KIF13A: variants seen among roughly 807,000 people sequenced by gnomAD.
KIF13A encodes kinesin family member 13A.
KIF13A carries 79 observed loss-of-function variants against 212.2 expected under a neutral mutation model. The observed-to-expected ratio is 0.37, with a 90% CI of 0.31 to 0.45. The LOEUF (loss-of-function observed/expected upper bound fraction) is 0.45. KIF13A is among the 20% of genes least tolerant of loss of function. The pLI is 1.00. For missense variants in KIF13A, 1,901 were observed against 2,209.0 expected (o/e 0.86, Z 2.79); for synonymous variants, 789 against 808.6 (o/e 0.98, Z 0.41).
In KIF13A at chr6:17,897,331, A is replaced by G. The variant is rs895211167; in HGVS notation, c.159+837T>C. ...TGTAGGTAAAGCCTGTTCTAATCCT[A>G]TCTCAAGAACCACAGCTATAATCAG... On this transcript the variant is annotated intron_variant, in intron 3 of 38. Transcript: ENST00000259711. This position sits in a 1 kb window ranked among gnomAD's most constrained non-coding sequence, Gnocchi z 4.8. Among the ~76,000 whole-genome samples, 10 of 152,192 alleles carry G rather than the reference A, an allele frequency of 6.6e-5. No homozygotes were observed. Among genetic ancestry groups the G allele is most frequent in the African/African-American group, 2.2e-4 (9 of 41,454 alleles).
rs374729769 is a variant in KIF13A at position 17,804,528 on chromosome 6, C to T, written c.2305-18G>A. 4.1e-5 allele frequency: 64 copies of T among 1,562,744 alleles called. No homozygotes were observed. Among genetic ancestry groups the T allele is most frequent in the Admixed American group, 1.7e-4 (9 of 53,012 alleles). On this transcript the variant is annotated intron_variant, in intron 19 of 38. Transcript: ENST00000259711. ...CTCTTTGCCTGAGAAGTAGGAGGGG[C>T]CAGTGAGTGGACGAATAAGAAACAT...
rs543939409 is a variant in KIF13A, at chr6:17,911,200, G to A, written c.147-13020C>T. Among the ~76,000 whole-genome samples the A allele has an allele frequency of 3.9e-5, 6 of 152,260 alleles. No individual in the cohort carries two copies. In the South Asian group the frequency reaches 8.3e-4, roughly 21 times the overall value. On this transcript the variant is annotated intron_variant, in intron 2 of 38. Coordinates refer to ENST00000259711, the MANE Select transcript of KIF13A (RefSeq NM_022113.6). ...GAATTAGTATTTTTCTTTCTGCCCTGTGCACATTATCTGGCACTCAGCAAG... is the reference window on the plus strand; with the variant it reads ...GAATTAGTATTTTTCTTTCTGCCCTATGCACATTATCTGGCACTCAGCAAG...
rs576731214 is a variant in KIF13A at position 17,809,614 on chromosome 6, C to CT, written c.2001-685dup. 3.1e-3 allele frequency among the ~76,000 whole-genome samples: 470 copies of CT among 152,280 alleles called. 3 individuals are homozygous for CT. The highest frequency in any genetic ancestry group is 0.011 in the African/African-American group (447 of 41,570). Reference sequence around the variant, plus strand: ...GGTTGCCCCAAGGCAGGGACCATGTCTTTTTTTGCTTGCACTACCCTAGCT... The same window carrying CT: ...GGTTGCCCCAAGGCAGGGACCATGTCTTTTTTTTGCTTGCACTACCCTAGCT... On this transcript the variant is annotated intron_variant, in intron 17 of 38. Coordinates refer to ENST00000259711, the MANE Select transcript of KIF13A (RefSeq NM_022113.6). The surrounding 1 kb of genome is among the most constrained non-coding windows in gnomAD (Gnocchi z 4.7).
rs992862398 is a variant in KIF13A, at chr6:17,773,315, A to G, written c.4324+163T>C. On this transcript the variant is annotated intron_variant, in intron 36 of 38. Coordinates refer to ENST00000259711, the MANE Select transcript of KIF13A (RefSeq NM_022113.6). This position sits in a 1 kb window ranked among gnomAD's most constrained non-coding sequence, Gnocchi z 4.2. Reference sequence around the variant, plus strand: ...TGGATACAAAACAAAAATAAATCAAATAAGTGAATGTTATATGTTACATTC... The same window carrying G: ...TGGATACAAAACAAAAATAAATCAAGTAAGTGAATGTTATATGTTACATTC... 6.6e-6 allele frequency among the ~76,000 whole-genome samples: 1 copy of G among 152,236 alleles called. No homozygotes were observed. The highest frequency in any genetic ancestry group is 1.5e-5 in the Non-Finnish European group (1 of 68,036).
intron 18 of KIF13A, among the ~76,000 whole-genome samples, chr6:17,807,330 T>C (rs1367651182): frequency 2.0e-5 from 3 of 152,024 alleles, no homozygotes; most frequent in East Asian, 1.9e-4. Flanking sequence ...GAAATATTAA[T>C]ATTAATACCC....
intron 2 of KIF13A, among the ~76,000 whole-genome samples, chr6:17,940,292 C>T (rs914877066): frequency 1.3e-5 from 2 of 152,062 alleles, no homozygotes; most frequent in Non-Finnish European, 2.9e-5. Flanking sequence ...CACTATTAAG[C>T]GCAGATTCTT....
At chr6:17,917,676 T>C (rs1774664106) in intron 2 of KIF13A, among the ~76,000 whole-genome samples, 1 of 152,194 alleles carries the variant, frequency 6.6e-6, no homozygotes, top group Non-Finnish European at 1.5e-5. Context: ...TAAAACCTAG[T>C]TCAGGGCCTT....
intron 22 of KIF13A, among the ~76,000 whole-genome samples, chr6:17,798,500 C>T (rs1204369925): frequency 1.3e-5 from 2 of 152,080 alleles, no homozygotes; most frequent in African/African-American, 2.4e-5. Flanking sequence ...ACTTGACAGC[C>T]CTTACCTATG....
rs527735532 is a variant in KIF13A at position 17,947,467 on chromosome 6, C to G, written c.146+39587G>C. On this transcript the variant is annotated intron_variant, in intron 2 of 38. Transcript: ENST00000259711. This position sits in a 1 kb window ranked among gnomAD's most constrained non-coding sequence, Gnocchi z 4.6. Reference sequence around the variant, plus strand: ...GCTAGCTACTTTTCCTTTCAGCTTCCTTCTTAACTTCAAAAGTTCAAAACT... The same window carrying G: ...GCTAGCTACTTTTCCTTTCAGCTTCGTTCTTAACTTCAAAAGTTCAAAACT... 6.6e-6 allele frequency among the ~76,000 whole-genome samples: 1 copy of G among 152,070 alleles called. No homozygotes were observed. The highest frequency in any genetic ancestry group is 2.4e-5 in the African/African-American group (1 of 41,418).
chr6:17,830,295 G>A (rs1291975290), intron 13 of KIF13A, among the ~76,000 whole-genome samples: 2 of 152,106 alleles, frequency 1.3e-5, no homozygotes, highest in East Asian at 1.9e-4. Flanking sequence ...TGTGTGTATT[G>A]GTGGAATTTT....
At chr6:17,807,413 G>A (rs1380319867) in intron 18 of KIF13A, among the ~76,000 whole-genome samples, 1 of 152,056 alleles carries the variant, frequency 6.6e-6, no homozygotes, top group Non-Finnish European at 1.5e-5. Context: ...GTTGAGATAA[G>A]CACTGAGATA....
chr6:17,917,144 G>C (rs1774585109), intron 2 of KIF13A, among the ~76,000 whole-genome samples: 1 of 150,872 alleles, frequency 6.6e-6, no homozygotes, highest in Non-Finnish European at 1.5e-5. Flanking sequence ...CATGATGCCA[G>C]AACACTTTAC....
chr6:17,903,324 T>G (rs1007678564), intron 2 of KIF13A, among the ~76,000 whole-genome samples: 1 of 152,210 alleles, frequency 6.6e-6, no homozygotes, highest in Non-Finnish European at 1.5e-5. Flanking sequence ...GATAACAGAA[T>G]TTTCTTGGAG....
Position 17,967,036 on chromosome 6 carries a change from GATTTAGTAGACACTCT to G in KIF13A, c.146+20002_146+20017del. Among the ~76,000 whole-genome samples, 1 of 152,140 alleles carries G rather than the reference GATTTAGTAGACACTCT, an allele frequency of 6.6e-6. No homozygotes were observed. Among genetic ancestry groups the G allele is most frequent in the African/African-American group, 2.4e-5 (1 of 41,416 alleles). On this transcript the variant is annotated intron_variant, in intron 2 of 38. Transcript: ENST00000259711. The surrounding 1 kb of genome is among the most constrained non-coding windows in gnomAD (Gnocchi z 4.1). ...CAAATATTCCAGCAGTACCTAACTT[GATTTAGTAGACACTCT>G]ATTCCCTTTTGGTATTATGCACTTT...
At position 17,764,956 on chromosome 6, in the gene KIF13A, T is replaced by A; in HGVS notation, c.4582-10A>T. 6.3e-7 allele frequency: 1 copy of A among 1,583,696 alleles called. No homozygotes were observed. Among genetic ancestry groups the A allele is most frequent in the Non-Finnish European group, 8.6e-7 (1 of 1,165,278 alleles). On this transcript the variant is annotated splice_polypyrimidine_tract_variant and intron_variant, in intron 38 of 38. Transcript: ENST00000259711. The surrounding 1 kb of genome is among the most constrained non-coding windows in gnomAD (Gnocchi z 5.1). ...CTTCCTCCTCAGAGTCCTATAGAAGTGAAGCAAAAGTCAGTCATTAGCTCC... is the reference window on the plus strand; with the variant it reads ...CTTCCTCCTCAGAGTCCTATAGAAGAGAAGCAAAAGTCAGTCATTAGCTCC...
rs1046503828 is a variant in KIF13A, at chr6:17,915,992, G to A, written c.147-17812C>T. Among the ~76,000 whole-genome samples, 1 of 151,696 alleles carries A rather than the reference G, an allele frequency of 6.6e-6. No homozygotes were observed. The highest frequency in any genetic ancestry group is 1.5e-5 in the Non-Finnish European group (1 of 67,874). ...AAATAAAATAAATTACAGTTCAAAT[G>A]AATCCCATGTCTATTACAAATGAGA... On this transcript the variant is annotated intron_variant, in intron 2 of 38. Coordinates refer to ENST00000259711, the MANE Select transcript of KIF13A (RefSeq NM_022113.6). The surrounding 1 kb of genome is among the most constrained non-coding windows in gnomAD (Gnocchi z 4.4).
chr6:17,823,501 T>C (rs578139141), intron 16 of KIF13A, among the ~76,000 whole-genome samples: 12 of 148,254 alleles, frequency 8.1e-5, no homozygotes, highest in Non-Finnish European at 1.5e-4. Flanking sequence ...AGACTCTCGC[T>C]CTGTTGCTCA....
rs1759503686 is a variant in KIF13A at position 17,771,628 on chromosome 6, A to C, written c.4476+280T>G. ...AAAATAATTTTAAAAAAGGCCTTTA[A>C]TCTTTTCAAAACACCTAGAAAACAT... is the stretch of plus-strand genomic sequence containing the variant. On this transcript the variant is annotated intron_variant, in intron 37 of 38. Coordinates refer to ENST00000259711, the MANE Select transcript of KIF13A (RefSeq NM_022113.6). The surrounding 1 kb of genome is among the most constrained non-coding windows in gnomAD (Gnocchi z 5.4). 3 of 369,004 alleles carry C rather than the reference A, an allele frequency of 8.1e-6. No homozygotes were observed. The South Asian group carries it at 2.6e-4, about 32-fold the overall frequency. 22.9% of individuals were successfully genotyped at this position (369,004 alleles called of 1,614,324 possible).
intron 2 of KIF13A, among the ~76,000 whole-genome samples, chr6:17,986,408 T>C (rs1011318841): frequency 2.0e-5 from 3 of 152,184 alleles, no homozygotes; most frequent in Non-Finnish European, 4.4e-5. Context: ...ATCTAGTAAA[T>C]ACAGCCCCTT....
Sources: allele counts gnomAD v4.1 joint callset (sites outside exome capture counted in the v4.1 genomes callset), GRCh38; gene constraint gnomAD v4.1.1; non-coding constraint Gnocchi (gnomAD v3.1); transcripts MANE v1.5; gene names NCBI Gene and HGNC (gene_info 2026-07-23, HGNC 2026-07-21).